The following FSTL5 variants were observed in gnomAD, a reference collection of about 807,000 sequenced individuals.
The protein encoded by FSTL5 is follistatin-related protein 5.
In FSTL5, 62 loss-of-function variants were observed where a neutral mutation model predicts 89.1. The ratio of observed to expected loss-of-function variants is 0.70; its 90% CI spans 0.57 to 0.86. The LOEUF is 0.86. Among genes scored for constraint, FSTL5 ranks in the 40% least tolerant of loss-of-function variants. The pLI is 0.00. For synonymous variants in FSTL5, 383 were observed against 346.2 expected (o/e 1.11, Z -1.18); for missense variants, 1,057 against 1,001.6 (o/e 1.06, Z -0.75).
Position 162,084,108 on chromosome 4 carries a change from T to C in FSTL5, c.126+27163A>G, listed in dbSNP as rs547099542. On this transcript the variant is annotated intron_variant, in intron 2 of 15. Transcript: ENST00000306100. ...AATATTAAAATATATCATAAAATTA[T>C]AATAAATAAAATTGTAGCCCTTTTG... Among the ~76,000 whole-genome samples the C allele has an allele frequency of 9.9e-5, 15 of 152,026 alleles. No individual in the cohort carries two copies. In the East Asian group the frequency reaches 2.9e-3, roughly 29 times the overall value.
chr4:161,823,612 T>A (rs1439245073), intron 4 of FSTL5, among the ~76,000 whole-genome samples: 1 of 152,152 alleles, frequency 6.6e-6, no homozygotes, highest in Non-Finnish European at 1.5e-5. Context: ...GATGTCCAAG[T>A]CTGGATCCAT....
At chr4:161,520,949 A>G (rs1470982140) in intron 10 of FSTL5, among the ~76,000 whole-genome samples, 1 of 152,210 alleles carries the variant, frequency 6.6e-6, no homozygotes, top group Admixed American at 6.5e-5. Context: ...TGGCCAACTC[A>G]TCTTTAGCCT....
chr4:161,673,104 CAGT>C (rs1243248803), intron 6 of FSTL5, among the ~76,000 whole-genome samples: 1 of 151,960 alleles, frequency 6.6e-6, no homozygotes, highest in Non-Finnish European at 1.5e-5. Flanking sequence ...ACAGTTAACT[CAGT>C]GGGAAAAATG....
At chr4:161,903,320 ACTTTAAAAAT>A (rs1243403572) in intron 4 of FSTL5, among the ~76,000 whole-genome samples, 4 of 152,154 alleles carry the variant, frequency 2.6e-5, no homozygotes, top group Non-Finnish European at 5.9e-5. Context: ...ACCAAGAAAT[ACTTTAAAAAT>A]CTTCTTTCTT....
At position 161,389,292 on chromosome 4, in the gene FSTL5, A is replaced by G. The variant is rs79580217; in HGVS notation, c.1842-2843T>C. On this transcript the variant is annotated intron_variant, in intron 15 of 15. Transcript: ENST00000306100. Reference sequence around the variant, plus strand: ...TACAGAAAGTTGCAGACTGAGAAATAAGAGAGTTAAAATTGACTCTCAAAA... The same window carrying G: ...TACAGAAAGTTGCAGACTGAGAAATGAGAGAGTTAAAATTGACTCTCAAAA... Among the ~76,000 whole-genome samples, 307 of 152,268 alleles carry G rather than the reference A, an allele frequency of 2.0e-3. 4 individuals carry two copies. In the East Asian group the frequency reaches 0.052, roughly 26 times the overall value.
chr4:162,093,828 A>G (rs1488829461), intron 2 of FSTL5, among the ~76,000 whole-genome samples: 1 of 152,100 alleles, frequency 6.6e-6, no homozygotes, highest in African/African-American at 2.4e-5. Flanking sequence ...TTCGCATTTT[A>G]TAAACCATTC....
intron 6 of FSTL5, among the ~76,000 whole-genome samples, chr4:161,709,836 T>C (rs963570162): frequency 2.6e-5 from 4 of 152,132 alleles, no homozygotes; most frequent in Admixed American, 2.6e-4. Context: ...ATTGGAATTC[T>C]ATTGATTTAC....
At chr4:161,937,918 G>T (rs1734476504) in intron 3 of FSTL5, among the ~76,000 whole-genome samples, 1 of 152,024 alleles carries the variant, frequency 6.6e-6, no homozygotes, top group African/African-American at 2.4e-5. Context: ...ATTCTAATGA[G>T]GTTTTCCTCT....
intron 7 of FSTL5, among the ~76,000 whole-genome samples, chr4:161,655,239 T>A (rs1320257070): frequency 6.6e-6 from 1 of 152,064 alleles, no homozygotes; most frequent in African/African-American, 2.4e-5. Flanking sequence ...GCAAACATTA[T>A]TTTCAGAGAT....
chr4:161,919,401 T>A (rs1473339382), intron 4 of FSTL5, among the ~76,000 whole-genome samples: 1 of 152,186 alleles, frequency 6.6e-6, no homozygotes, highest in African/African-American at 2.4e-5. Context: ...ATGTCATTTT[T>A]AAATCACGAT....
intron 4 of FSTL5, among the ~76,000 whole-genome samples, chr4:161,902,438 A>G (rs1382009829): frequency 1.3e-5 from 2 of 152,312 alleles, no homozygotes; most frequent in East Asian, 3.9e-4. Flanking sequence ...TTAATAATAA[A>G]AGAAATAGGG....
At chr4:161,665,548 A>C (rs1736864913) in intron 6 of FSTL5, among the ~76,000 whole-genome samples, 1 of 152,122 alleles carries the variant, frequency 6.6e-6, no homozygotes, top group Non-Finnish European at 1.5e-5. Flanking sequence ...AGAAATCTTA[A>C]AATTTTGCAA....
At chr4:161,717,755 A>AATTTCATTTCATTTT (rs1739037786) in intron 6 of FSTL5, among the ~76,000 whole-genome samples, 1 of 152,216 alleles carries the variant, frequency 6.6e-6, no homozygotes, top group African/African-American at 2.4e-5. Flanking sequence ...ATGAAATGAT[A>AATTTCATTTCATTTT]TTGTTAAATC....
At chr4:161,833,361 A>G (rs1579125899) in intron 4 of FSTL5, among the ~76,000 whole-genome samples, 1 of 150,786 alleles carries the variant, frequency 6.6e-6, no homozygotes, top group East Asian at 2.0e-4. Context: ...TATTCTGTTG[A>G]TTTGGGGTGG....
intron 15 of FSTL5, among the ~76,000 whole-genome samples, chr4:161,444,746 G>A (rs978262354): frequency 6.6e-6 from 1 of 151,710 alleles, no homozygotes; most frequent in Non-Finnish European, 1.5e-5. Context: ...TGCAAAGGTT[G>A]GCTTGGGATA....
At chr4:161,501,728 C>T (rs985476954) in intron 11 of FSTL5, among the ~76,000 whole-genome samples, 4 of 151,700 alleles carry the variant, frequency 2.6e-5, no homozygotes, top group African/African-American at 9.7e-5. Flanking sequence ...ACTCAAGTCA[C>T]GTTTTATATA....
intron 10 of FSTL5, among the ~76,000 whole-genome samples, chr4:161,537,244 G>A (rs1340630431): frequency 6.6e-6 from 1 of 151,958 alleles, no homozygotes; most frequent in Non-Finnish European, 1.5e-5. Flanking sequence ...CAGAAAAATG[G>A]GCCTGTCAAG....
chr4:161,579,714 CA>C (rs1485317908), intron 8 of FSTL5, among the ~76,000 whole-genome samples: 1 of 55,560 alleles, frequency 1.8e-5, no homozygotes, highest in East Asian at 4.2e-4. Flanking sequence ...AAGACCATTT[CA>C]AAAAACAAAA....
intron 2 of FSTL5, among the ~76,000 whole-genome samples, chr4:162,071,335 A>T (rs1316352573): frequency 1.3e-5 from 2 of 151,742 alleles, no homozygotes; most frequent in East Asian, 3.9e-4. Flanking sequence ...AAAAGCAAGC[A>T]GGAGTAACTA....
Sources: allele counts gnomAD v4.1 joint callset (sites outside exome capture counted in the v4.1 genomes callset), GRCh38; gene constraint gnomAD v4.1.1; transcripts MANE v1.5; gene names NCBI Gene and HGNC (gene_info 2026-07-23, HGNC 2026-07-21).